Variants in COA1 observed in about 807,000 individuals in gnomAD.
COA1 encodes cytochrome c oxidase assembly factor 1, also known as cytochrome c oxidase assembly factor 1 homolog.
COA1 carries 13 observed loss-of-function variants against 16.0 expected under a neutral mutation model. The observed-to-expected ratio is 0.81, with a 90% CI of 0.53 to 1.29. The LOEUF (loss-of-function observed/expected upper bound fraction) is 1.29. Among genes scored for constraint, COA1 ranks in the 50% most tolerant of loss-of-function variants. COA1 has a pLI of 0.00. For missense variants in COA1, 179 were observed against 177.0 expected, an observed-to-expected ratio of 1.01 and a Z score of -0.06; for synonymous variants, 65 against 65.7, an observed-to-expected ratio of 0.99 and a Z score of 0.05.
intron 6 of COA1, among the ~76,000 whole-genome samples, chr7:43,620,094 A>T (rs573090447): frequency 3.1e-4 from 47 of 152,362 alleles, no homozygotes; most frequent in African/African-American, 1.1e-3. Flanking sequence ...GGAATTGCCA[A>T]GTCTGAGGCT....
At chr7:43,693,408 T>C (rs192271035) in intron 1 of COA1, among the ~76,000 whole-genome samples, 1 of 152,242 alleles carries the variant, frequency 6.6e-6, no homozygotes, top group East Asian at 1.9e-4. Context: ...AGATCATCCT[T>C]GACCTCATCC....
chr7:43,705,609 C>T (rs747082027), intron 1 of COA1, among the ~76,000 whole-genome samples: 6 of 152,180 alleles, frequency 3.9e-5, no homozygotes, highest in Non-Finnish European at 8.8e-5. Context: ...CCAGGTCTGG[C>T]AGCCAACAAA....
intron 6 of COA1, chr7:43,623,518 A>T: frequency 6.6e-7 from 1 of 1,514,714 alleles, no homozygotes; most frequent in South Asian, 1.2e-5. Context: ...TCTTAGAGCA[A>T]ATTAGGAATT....
intron 1 of COA1, among the ~76,000 whole-genome samples, chr7:43,665,207 C>A (rs1397087127): frequency 6.6e-6 from 1 of 152,026 alleles, no homozygotes; most frequent in East Asian, 1.9e-4. Context: ...GGGAAAAAAA[C>A]AGACATTTTC....
chr7:43,612,785 T>C (rs2082992936), intron 6 of COA1, among the ~76,000 whole-genome samples: 1 of 152,106 alleles, frequency 6.6e-6, no homozygotes, highest in Non-Finnish European at 1.5e-5. Flanking sequence ...GCCAAATATC[T>C]TAAATAGAGC....
chr7:43,702,599 T>C (rs890914553), intron 1 of COA1, among the ~76,000 whole-genome samples: 2 of 152,124 alleles, frequency 1.3e-5, no homozygotes, highest in Non-Finnish European at 2.9e-5. Flanking sequence ...TGGGGGGTTG[T>C]ATGTTTCCAG....
At chr7:43,667,739 G>A (rs552289547) in intron 1 of COA1, among the ~76,000 whole-genome samples, 1 of 152,322 alleles carries the variant, frequency 6.6e-6, no homozygotes, top group Admixed American at 6.5e-5. Context: ...CAAATATCAA[G>A]CAAAACAAGA....
chr7:43,614,115 C>T (rs2083126288), intron 6 of COA1, among the ~76,000 whole-genome samples: 1 of 152,168 alleles, frequency 6.6e-6, no homozygotes, highest in African/African-American at 2.4e-5. Flanking sequence ...ACACCCTAAG[C>T]CTTATTGAGC....
At chr7:43,625,037 TAC>T (rs1321410478) in intron 6 of COA1, 2 of 454,930 alleles carry the variant, frequency 4.4e-6, no homozygotes, top group African/African-American at 2.0e-5. Flanking sequence ...ATTTAACAGG[TAC>T]AGTTACCCGT....
At chr7:43,624,004 A>G in intron 6 of COA1, 1 of 685,916 alleles carries the variant, frequency 1.5e-6, no homozygotes. Flanking sequence ...TTCAACTTCT[A>G]AAACACCATA....
chr7:43,626,688 A>G (rs556943701), intron 6 of COA1: 1 of 152,336 alleles, frequency 6.6e-6, no homozygotes, highest in African/African-American at 2.4e-5. Context: ...ATTGAATGAC[A>G]CGTTTGTACT....
At chr7:43,644,791 C>CAGAGAG (rs1158900674) in intron 4 of COA1, among the ~76,000 whole-genome samples, 1 of 23,704 alleles carries the variant, frequency 4.2e-5, no homozygotes, top group Non-Finnish European at 9.1e-5. Flanking sequence ...GGCAGGCAGG[C>CAGAGAG]AGAGAGACAG....
intron 6 of COA1, chr7:43,619,704 G>T (rs1448660444): frequency 6.2e-7 from 1 of 1,613,864 alleles, no homozygotes; most frequent in Admixed American, 1.7e-5. Flanking sequence ...GAGAAATTAT[G>T]GGTACCCCTG....
intron 1 of COA1, among the ~76,000 whole-genome samples, chr7:43,686,849 T>C (rs1210307125): frequency 2.0e-5 from 3 of 152,238 alleles, no homozygotes; most frequent in Non-Finnish European, 4.4e-5. Flanking sequence ...ATAATACAAG[T>C]ATTTAAAAAA....
intron 1 of COA1, among the ~76,000 whole-genome samples, chr7:43,710,772 C>T (rs893414003): frequency 2.6e-5 from 4 of 152,172 alleles, no homozygotes; most frequent in African/African-American, 9.6e-5. Flanking sequence ...GATATCAGAT[C>T]TTAACTGAAA....
intron 2 of COA1, chr7:43,647,925 C>G (rs1385055064): frequency 2.3e-5 from 9 of 390,934 alleles, no homozygotes; most frequent in African/African-American, 4.1e-5. Flanking sequence ...ACCATCCTGA[C>G]AGACACAGCC....
chr7:43,676,809 A>G (rs2130013167), intron 1 of COA1, among the ~76,000 whole-genome samples: 1 of 152,324 alleles, frequency 6.6e-6, no homozygotes, highest in African/African-American at 2.4e-5. Context: ...TTTAAAAAAA[A>G]AAACTTCAGA....
chr7:43,611,096 G>A (rs534614478), intron 6 of COA1, among the ~76,000 whole-genome samples: 1 of 152,324 alleles, frequency 6.6e-6, no homozygotes, highest in African/African-American at 2.4e-5. Context: ...CAGCCTGGCT[G>A]ACAGAATGAG....
At chr7:43,619,825 T>G (rs1171995226) in intron 6 of COA1, 10 of 1,410,268 alleles carry the variant, frequency 7.1e-6, no homozygotes, top group Non-Finnish European at 9.6e-6. Flanking sequence ...CTATCTACTA[T>G]GTTGAAATTC....
Sources: allele counts gnomAD v4.1 joint callset (sites outside exome capture counted in the v4.1 genomes callset), GRCh38; gene constraint gnomAD v4.1.1; transcripts MANE v1.5; gene names NCBI Gene and HGNC (gene_info 2026-07-23, HGNC 2026-07-21).